Variants in HECTD4 observed in about 807,000 individuals in gnomAD.
HECTD4 encodes the protein probable E3 ubiquitin-protein ligase HECTD4.
A neutral mutation model predicts 471.5 loss-of-function variants in HECTD4; 114 were observed. That is an observed-to-expected ratio of 0.24 (90% CI 0.21 to 0.28). The LOEUF is 0.28. HECTD4 is among the 10% of genes least tolerant of loss of function. The pLI, the probability that HECTD4 is intolerant of heterozygous loss-of-function variation, is 1.00. For synonymous variants in HECTD4, 2,012 were observed against 2,256.0 expected, an observed-to-expected ratio of 0.89 and a Z score of 3.07; for missense variants, 3,866 against 5,651.5, an observed-to-expected ratio of 0.68 and a Z score of 10.13.
chr12:112,236,161 C>A (rs1171859545), intron 35 of HECTD4, among the ~76,000 whole-genome samples: 1 of 152,120 alleles, frequency 6.6e-6, no homozygotes, highest in Non-Finnish European at 1.5e-5. Context: ...TACACAGGAG[C>A]CTTCAGAGTG....
Position 112,250,451 on chromosome 12 carries a change from A to T in HECTD4, c.3717-74T>A, listed in dbSNP as rs142349127. 375 of 1,039,598 alleles carry T rather than the reference A, an allele frequency of 3.6e-4. 2 individuals carry two copies. In the African/African-American group the frequency reaches 4.8e-3, roughly 13 times the overall value. The allele number at this position is 1,039,598 out of a possible 1,614,324, so 64.4% of individuals were successfully genotyped here. On this transcript the variant is annotated intron_variant, in intron 24 of 75. Transcript: ENST00000682272. Reference sequence around the variant, plus strand: ...TTGGAAAGCTATTGGATGTTTGCAGATACATCAAACATATGAAGGATCACA... The same window carrying T: ...TTGGAAAGCTATTGGATGTTTGCAGTTACATCAAACATATGAAGGATCACA...
At chr12:112,177,922 G>C (rs1372986837) in intron 64 of HECTD4, among the ~76,000 whole-genome samples, 1 of 152,150 alleles carries the variant, frequency 6.6e-6, no homozygotes, top group Admixed American at 6.5e-5. Flanking sequence ...GAGGAAGAGT[G>C]GCTTTTCACT....
chr12:112,347,192 G>A (rs539241116), intron 1 of HECTD4, among the ~76,000 whole-genome samples: 1 of 152,156 alleles, frequency 6.6e-6, no homozygotes, highest in South Asian at 2.1e-4. Context: ...AAATGAGTTG[G>A]TGTCTGTCAA....
chr12:112,259,002 G>GTTTC (rs1476695228), intron 19 of HECTD4, 110 bp downstream of exon 19: 3 of 931,000 alleles, frequency 3.2e-6, no homozygotes, highest in East Asian at 5.4e-5. Flanking sequence ...ATTTCCCTTG[G>GTTTC]TTTCTGAAAG....
intron 1 of HECTD4, among the ~76,000 whole-genome samples, chr12:112,324,014 C>T (rs2035666083): frequency 2.2e-5 from 1 of 45,098 alleles, no homozygotes; most frequent in African/African-American, 2.6e-4. Context: ...TCCTTCCTTC[C>T]TTCCTTCCTT....
chr12:112,165,724 C>G (rs550226144), intron 72 of HECTD4, among the ~76,000 whole-genome samples: 2 of 152,376 alleles, frequency 1.3e-5, no homozygotes, highest in African/African-American at 4.8e-5. Context: ...TGCCACCAGA[C>G]AGCCCTGACT....
chr12:112,327,943 A>G (rs2035778826), intron 1 of HECTD4, among the ~76,000 whole-genome samples: 2 of 152,230 alleles, frequency 1.3e-5, no homozygotes, highest in South Asian at 4.1e-4. Context: ...GATGTTTAAA[A>G]CTCAGGGTCA....
intron 1 of HECTD4, among the ~76,000 whole-genome samples, chr12:112,344,512 A>G (rs1218796732): frequency 6.6e-6 from 1 of 152,272 alleles, no homozygotes; most frequent in Non-Finnish European, 1.5e-5. Flanking sequence ...AAAGGTCAAC[A>G]GGGCAGAGGC....
intron 7 of HECTD4, among the ~76,000 whole-genome samples, chr12:112,295,662 G>A (rs1345285258): frequency 6.8e-6 from 1 of 146,512 alleles, no homozygotes; most frequent in African/African-American, 2.5e-5. Flanking sequence ...TTTTGAGACA[G>A]GGTCTGTCTC....
At chr12:112,328,538 A>G (rs2035791085) in intron 1 of HECTD4, among the ~76,000 whole-genome samples, 3 of 152,326 alleles carry the variant, frequency 2.0e-5, no homozygotes, top group African/African-American at 4.8e-5. Context: ...CATTTTTCAC[A>G]TAATGAAGAC....
At chr12:112,304,671 A>G (rs1276975175) in intron 7 of HECTD4, among the ~76,000 whole-genome samples, 1 of 149,862 alleles carries the variant, frequency 6.7e-6, no homozygotes, top group African/African-American at 2.4e-5. Context: ...TCTCTTTAAA[A>G]ACCAATTAAA....
rs2031790458 is a variant in HECTD4 at position 112,184,539 on chromosome 12, C to T, written c.10427G>A (p.Ser3476Asn). 1.2e-6 allele frequency: 2 copies of T among 1,611,002 alleles called. No homozygotes were observed. The highest frequency in any genetic ancestry group is 1.7e-6 in the Non-Finnish European group (2 of 1,179,226). ...TDSMEVSTSS[S>N]LTPAMSISAS... is the part of the protein sequence containing the mutation. ...GCTGATGCTCATGGCGGGGGTCAGGCTGCTGGACGTGCTGACCTCCATGCT... is the reference window on the plus strand; with the variant it reads ...GCTGATGCTCATGGCGGGGGTCAGGTTGCTGGACGTGCTGACCTCCATGCT... The change falls in exon 61 of 76, where the codon AGC becomes AAC. Residue 3476 changes from serine (S) to asparagine (N), a missense_variant. By Grantham distance (46) the Ser-to-Asn change is conservative. Transcript: ENST00000682272. The surrounding 1 kb of genome is among the most constrained non-coding windows in gnomAD (Gnocchi z 9.1).
chr12:112,181,418 T>G (rs1248714228), intron 62 of HECTD4, among the ~76,000 whole-genome samples: 2 of 152,194 alleles, frequency 1.3e-5, no homozygotes, highest in African/African-American at 2.4e-5. Context: ...AAGATCTCAC[T>G]TACCTCACCC....
intron 35 of HECTD4, among the ~76,000 whole-genome samples, chr12:112,236,498 T>C (rs569326602): frequency 1.3e-5 from 2 of 152,360 alleles, no homozygotes; most frequent in Middle Eastern, 3.4e-3. Context: ...GTCAGTCATA[T>C]GTGGATATTT....
At chr12:112,262,540 A>AAAAAAAAAAAAAAAAAAAT (rs2034172595) in intron 17 of HECTD4, among the ~76,000 whole-genome samples, 1 of 150,654 alleles carries the variant, frequency 6.6e-6, no homozygotes, top group African/African-American at 2.4e-5. Context: ...AAAAAAAAAA[A>AAAAAAAAAAAAAAAAAAAT]AAGAATCTAC....
intron 66 of HECTD4, among the ~76,000 whole-genome samples, chr12:112,174,501 G>A (rs559035309): frequency 1.3e-5 from 2 of 151,998 alleles, no homozygotes; most frequent in South Asian, 2.1e-4. Flanking sequence ...TGATCCACCC[G>A]CCTCAGCCTC....
chr12:112,313,481 ATTTTTTTT>A (rs34438364), intron 3 of HECTD4, among the ~76,000 whole-genome samples: 1 of 58,918 alleles, frequency 1.7e-5, no homozygotes, highest in African/African-American at 7.4e-5. Context: ...TGCCCGGCTA[ATTTTTTTT>A]TTTTTTTTTT....
rs1218014371 is a variant in HECTD4, at chr12:112,213,461, T to C, written c.7466-811A>G. 7.0e-6 allele frequency among the ~76,000 whole-genome samples: 1 copy of C among 143,386 alleles called. No homozygotes were observed. Among genetic ancestry groups the C allele is most frequent in the African/African-American group, 2.6e-5 (1 of 38,480 alleles). 94.1% of individuals were successfully genotyped at this position (143,386 alleles called of 152,430 possible). ...CAGCACTTTGGGAGGCCGAGGTGGG[T>C]GGATCACAAGGTCAGGAGATCGAGT... On this transcript the variant is annotated intron_variant, in intron 48 of 75. Coordinates refer to ENST00000682272, the MANE Select transcript of HECTD4 (RefSeq NM_001388303.1). The surrounding 1 kb of genome is among the most constrained non-coding windows in gnomAD (Gnocchi z 4.0).
At chr12:112,300,898 T>C (rs1251278060) in intron 7 of HECTD4, among the ~76,000 whole-genome samples, 2 of 152,106 alleles carry the variant, frequency 1.3e-5, no homozygotes, top group African/African-American at 2.4e-5. Flanking sequence ...TTTTCTTTTT[T>C]TTTTGAGATG....
Sources: gnomAD v4.1 joint callset for allele counts (sites outside exome capture counted in the v4.1 genomes callset) on GRCh38, gnomAD v4.1.1 for gene constraint, Gnocchi (gnomAD v3.1) non-coding constraint, MANE v1.5 for transcripts, NCBI Gene and HGNC (gene_info 2026-07-23, HGNC 2026-07-21) for gene names.